Variants in TMEM114 observed in about 807,000 individuals in gnomAD.
The protein encoded by TMEM114 is claudin-26.
A neutral mutation model predicts 6.2 loss-of-function variants in TMEM114; 6 were observed. That is an observed-to-expected ratio of 0.97 (90% CI 0.53 to 1.91). The LOEUF (loss-of-function observed/expected upper bound fraction) is 1.91. Among genes scored for constraint, TMEM114 ranks in the 40% most tolerant of loss-of-function variants. The pLI is 0.01. For synonymous variants in TMEM114, 104 were observed against 73.0 expected, an observed-to-expected ratio of 1.42 and a Z score of -2.16; for missense variants, 218 against 158.3, an observed-to-expected ratio of 1.38 and a Z score of -2.02.
At chr16:8,534,260 T>C (rs921991281), downstream of TMEM114, among the ~76,000 whole-genome samples, 4 of 152,162 alleles carry the variant, frequency 2.6e-5, no homozygotes, top group African/African-American at 9.7e-5. Flanking sequence ...GCAAATGTAA[T>C]TCTTCAAAGG....
At chr16:8,550,285 C>G (rs1352774575) in intron 2 of TMEM114, among the ~76,000 whole-genome samples, 3 of 152,228 alleles carry the variant, frequency 2.0e-5, no homozygotes, top group Non-Finnish European at 4.4e-5. Context: ...CCAGATACAT[C>G]CAGAAACAAT....
chr16:8,547,943 C>A (rs1211537690), intron 2 of TMEM114, among the ~76,000 whole-genome samples: 2 of 152,166 alleles, frequency 1.3e-5, no homozygotes, highest in African/African-American at 2.4e-5. Context: ...CCTCCAACAT[C>A]TGGATTTGCT....
At chr16:8,564,609 ATGAGTGAGTGAATGAG>A (rs879634800), downstream of TMEM114, among the ~76,000 whole-genome samples, 2,275 of 93,904 alleles carry the variant, frequency 0.024, 202 homozygotes, top group South Asian at 0.068. Flanking sequence ...GAGGGAGGGA[ATGAGTGAGTGAATGAG>A]TGAGTGAGTG....
chr16:8,571,364 G>T (rs1034453505), intron 3 of TMEM114, among the ~76,000 whole-genome samples: 17 of 152,200 alleles, frequency 1.1e-4, no homozygotes, highest in Non-Finnish European at 2.2e-4. Flanking sequence ...TGATATGTGT[G>T]TGTACACTGT....
At chr16:8,534,904 A>G (rs1291867934), downstream of TMEM114, among the ~76,000 whole-genome samples, 1 of 152,222 alleles carries the variant, frequency 6.6e-6, no homozygotes, top group Non-Finnish European at 1.5e-5. Context: ...GATTAGACAA[A>G]GTAACATGTG....
chr16:8,550,895 G>C (rs569059741), intron 2 of TMEM114, among the ~76,000 whole-genome samples: 1 of 152,134 alleles, frequency 6.6e-6, no homozygotes, highest in South Asian at 2.1e-4. Context: ...CCTCCTGAGA[G>C]AACCGCAGTA....
intron 2 of TMEM114, among the ~76,000 whole-genome samples, chr16:8,559,680 G>T (rs193217663): frequency 2.4e-4 from 37 of 152,362 alleles, no homozygotes; most frequent in Non-Finnish European, 4.4e-5. Flanking sequence ...ATGAATGTGG[G>T]ACAGACGTCG....
intron 2 of TMEM114, among the ~76,000 whole-genome samples, chr16:8,564,300 A>G (rs1211497150): frequency 6.8e-6 from 1 of 147,536 alleles, no homozygotes; most frequent in Admixed American, 6.8e-5. Flanking sequence ...TAAGTGAATG[A>G]GTGATGAAAT....
downstream of TMEM114, among the ~76,000 whole-genome samples, chr16:8,533,031 T>G (rs74007827): frequency 0.011 from 1,627 of 152,298 alleles, 34 homozygotes; most frequent in African/African-American, 0.037. Context: ...GATATCATGA[T>G]GAACAACATA....
chr16:8,561,953 T>G (rs1596477836), intron 2 of TMEM114, among the ~76,000 whole-genome samples: 1 of 151,122 alleles, frequency 6.6e-6, no homozygotes, highest in Admixed American at 6.6e-5. Flanking sequence ...AATGAGTGAA[T>G]GAGGGAGGGA....
the TMEM114 span, among the ~76,000 whole-genome samples, chr16:8,528,731 C>G: frequency 2.0e-5 from 3 of 152,202 alleles, no homozygotes; most frequent in Non-Finnish European, 4.4e-5. Context: ...CTTTATAAAG[C>G]ATGAAAGTGC....
intron 2 of TMEM114, among the ~76,000 whole-genome samples, chr16:8,550,024 A>G (rs932827734): frequency 6.6e-6 from 1 of 152,162 alleles, no homozygotes; most frequent in Non-Finnish European, 1.5e-5. Flanking sequence ...CTGGCAAACC[A>G]CTGGTGTAAG....
downstream of TMEM114, among the ~76,000 whole-genome samples, chr16:8,566,467 A>G (rs1251810700): frequency 6.8e-6 from 1 of 147,758 alleles, no homozygotes; most frequent in East Asian, 2.0e-4. Flanking sequence ...ATCAGAACAC[A>G]ACAGAATGGA....
chr16:8,564,179 G>T (rs1284382869), intron 2 of TMEM114, among the ~76,000 whole-genome samples: 18 of 151,518 alleles, frequency 1.2e-4, no homozygotes, highest in East Asian at 1.9e-4. Flanking sequence ...GTAAATGAGT[G>T]AGTGAGTGCA....
intron 2 of TMEM114, among the ~76,000 whole-genome samples, chr16:8,538,131 T>TAAAAAAA (rs1900414707): frequency 2.7e-4 from 1 of 3,718 alleles, no homozygotes. Context: ...TGACTGTCTC[T>TAAAAAAA]ACAAAAAAAA....
chr16:8,536,834 T>A (rs529298385), downstream of TMEM114, among the ~76,000 whole-genome samples: 1 of 152,104 alleles, frequency 6.6e-6, no homozygotes, highest in African/African-American at 2.4e-5. Flanking sequence ...GCAGAGCAGG[T>A]GTGAAGGGCA....
downstream of TMEM114, among the ~76,000 whole-genome samples, chr16:8,564,621 ATGAG>A (rs1431286016): frequency 2.1e-3 from 200 of 93,830 alleles, 7 homozygotes; most frequent in South Asian, 5.5e-3. Context: ...GAGTGAGTGA[ATGAG>A]TGAGTGAGTG....
chr16:8,577,056 G>C (rs978198427), intron 2 of TMEM114, among the ~76,000 whole-genome samples: 9 of 152,184 alleles, frequency 5.9e-5, no homozygotes, highest in Non-Finnish European at 1.2e-4. Context: ...AGTCAGACCT[G>C]AGCGTGGTTC....
At position 8,540,645 on chromosome 16, in the gene TMEM114, T is replaced by C. The variant is rs570245097; in HGVS notation, n.213-2819A>G. Among the ~76,000 whole-genome samples, 9 of 152,356 alleles carry C rather than the reference T, an allele frequency of 5.9e-5. No homozygotes were observed. The South Asian group carries it at 1.7e-3, about 28-fold the overall frequency. ...AATTCATTCACTGAACCAATTTTTATTGACCACTCACTATAGCTCAGCATT... is the reference window on the plus strand; with the variant it reads ...AATTCATTCACTGAACCAATTTTTACTGACCACTCACTATAGCTCAGCATT... On this transcript the variant is annotated intron_variant and non_coding_transcript_variant, in intron 2 of 2. Transcript: ENST00000623677.
Sources: gnomAD v4.1 joint callset for allele counts (sites outside exome capture counted in the v4.1 genomes callset) on GRCh38, gnomAD v4.1.1 for gene constraint, MANE v1.5 for transcripts, NCBI Gene and HGNC (gene_info 2026-07-23, HGNC 2026-07-21) for gene names.